Variants in SMYD3 observed in about 807,000 individuals in gnomAD.
The protein encoded by SMYD3 is histone-lysine N-methyltransferase SMYD3.
In SMYD3, 36 loss-of-function variants were observed where a neutral mutation model predicts 57.7. The observed-to-expected ratio is 0.62, with a 90% CI of 0.48 to 0.82. SMYD3 has a LOEUF of 0.82. Ranked by LOEUF, SMYD3 falls within the 40% of genes least tolerant of loss-of-function variation. The probability of loss-of-function intolerance (pLI) is 0.00; values close to 1 mark genes in which losing one functional copy is unlikely to be tolerated. For missense variants in SMYD3, 515 were observed against 538.8 expected (o/e 0.96, Z 0.44); for synonymous variants, 211 against 195.0 (o/e 1.08, Z -0.68).
intron 5 of SMYD3, among the ~76,000 whole-genome samples, chr1:246,232,989 AGAG>A (rs1379746856): frequency 7.3e-6 from 1 of 137,226 alleles, no homozygotes; most frequent in African/African-American, 2.7e-5. Context: ...TATACCACGC[AGAG>A]GAGAAGCGCT....
At chr1:246,123,571 AACACACACACACACACAC>A (rs557543331) in intron 5 of SMYD3, among the ~76,000 whole-genome samples, 90 of 129,576 alleles carry the variant, frequency 6.9e-4, no homozygotes, top group African/African-American at 2.2e-3. Flanking sequence ...TCCATCTCAA[AACACACACACACACACAC>A]ACACACACAC....
chr1:246,498,964 G>T (rs1482487133), intron 1 of SMYD3, among the ~76,000 whole-genome samples: 5 of 142,746 alleles, frequency 3.5e-5, no homozygotes, highest in African/African-American at 7.7e-5. Context: ...ATAATTTTTT[G>T]TTTTTTTTTT....
chr1:246,237,992 C>T (rs116210679), intron 5 of SMYD3, among the ~76,000 whole-genome samples: 1,579 of 152,260 alleles, frequency 0.01, 11 homozygotes, highest in Non-Finnish European at 0.015. Context: ...CCCTAATACA[C>T]TCTATCTTGG....
chr1:245,857,879 C>A (rs1447870057), intron 10 of SMYD3, among the ~76,000 whole-genome samples: 2 of 152,134 alleles, frequency 1.3e-5, no homozygotes, highest in Non-Finnish European at 2.9e-5. Flanking sequence ...CATCTCAGGG[C>A]AAAACACCTA....
chr1:246,165,681 T>G (rs2062196594), intron 5 of SMYD3, among the ~76,000 whole-genome samples: 1 of 152,090 alleles, frequency 6.6e-6, no homozygotes, highest in South Asian at 2.1e-4. Context: ...GTTTTTAAGG[T>G]GAGCTTAGAT....
At chr1:246,268,726 G>GAAAGA (rs923785730) in intron 5 of SMYD3, among the ~76,000 whole-genome samples, 28 of 151,648 alleles carry the variant, frequency 1.8e-4, no homozygotes, top group East Asian at 5.8e-4. Flanking sequence ...AAGAGAAGAG[G>GAAAGA]AAAGAAAAGA....
At chr1:246,404,825 T>C (rs1336948082) in intron 1 of SMYD3, among the ~76,000 whole-genome samples, 1 of 152,220 alleles carries the variant, frequency 6.6e-6, no homozygotes, top group East Asian at 1.9e-4. Context: ...ATTACCATAT[T>C]GGACAGAGCA....
intron 10 of SMYD3, among the ~76,000 whole-genome samples, chr1:245,831,832 A>C (rs2049850835): frequency 6.6e-6 from 1 of 152,212 alleles, no homozygotes; most frequent in Non-Finnish European, 1.5e-5. Flanking sequence ...GAGATGGCCA[A>C]ATGATTTAAG....
At chr1:246,432,134 C>G (rs1263638778) in intron 1 of SMYD3, among the ~76,000 whole-genome samples, 1 of 152,194 alleles carries the variant, frequency 6.6e-6, no homozygotes, top group Non-Finnish European at 1.5e-5. Context: ...CTCTCTAGCA[C>G]TTTCTCCAAG....
intron 2 of SMYD3, among the ~76,000 whole-genome samples, chr1:246,337,813 A>G (rs1224871110): frequency 1.3e-5 from 2 of 152,248 alleles, no homozygotes; most frequent in Non-Finnish European, 2.9e-5. Context: ...TGAGCAGCTC[A>G]GCCTCCTGAT....
At chr1:246,043,174 T>A (rs1572934846) in intron 5 of SMYD3, among the ~76,000 whole-genome samples, 1 of 152,370 alleles carries the variant, frequency 6.6e-6, no homozygotes. Flanking sequence ...CTGCTTCATC[T>A]ACTACCTTTC....
chr1:246,226,024 G>A (rs749199856), intron 5 of SMYD3, among the ~76,000 whole-genome samples: 9 of 152,050 alleles, frequency 5.9e-5, no homozygotes, highest in Admixed American at 3.3e-4. Flanking sequence ...TGACAAGATC[G>A]GTTTCCATAA....
At chr1:246,146,488 C>T (rs186887915) in intron 5 of SMYD3, among the ~76,000 whole-genome samples, 5 of 152,302 alleles carry the variant, frequency 3.3e-5, no homozygotes, top group Admixed American at 2.0e-4. Context: ...AGTGCCAACA[C>T]CCATCCTTCC....
intron 5 of SMYD3, among the ~76,000 whole-genome samples, chr1:246,090,281 G>A (rs2060798616): frequency 6.6e-6 from 1 of 152,086 alleles, no homozygotes; most frequent in Non-Finnish European, 1.5e-5. Context: ...TCCTAACAGA[G>A]AAAGAAACCA....
intron 5 of SMYD3, among the ~76,000 whole-genome samples, chr1:246,296,781 T>C (rs2064802816): frequency 6.6e-6 from 1 of 152,190 alleles, no homozygotes; most frequent in Non-Finnish European, 1.5e-5. Flanking sequence ...TAATACAATA[T>C]GATATTCCTA....
chr1:246,042,432 G>A (rs2059894324), intron 5 of SMYD3, among the ~76,000 whole-genome samples: 1 of 152,118 alleles, frequency 6.6e-6, no homozygotes, highest in African/African-American at 2.4e-5. Flanking sequence ...TGCAGATTAA[G>A]CAGTGAGGAG....
chr1:246,474,696 G>C (rs1478217267), intron 1 of SMYD3, among the ~76,000 whole-genome samples: 1 of 152,072 alleles, frequency 6.6e-6, no homozygotes, highest in Non-Finnish European at 1.5e-5. Context: ...AATTACTGCA[G>C]AGGTCAGCAA....
At chr1:246,088,554 G>C (rs111815923) in intron 5 of SMYD3, among the ~76,000 whole-genome samples, 10,707 of 139,198 alleles carry the variant, frequency 0.077, 668 homozygotes, top group African/African-American at 0.13. Context: ...AGCTTGCAGT[G>C]AGCCGAGATC....
intron 5 of SMYD3, among the ~76,000 whole-genome samples, chr1:246,207,616 G>T (rs1250934306): frequency 6.6e-6 from 1 of 151,880 alleles, no homozygotes; most frequent in Non-Finnish European, 1.5e-5. Context: ...AAAGACAAAA[G>T]GACATACAAA....
Sources: gnomAD v4.1 joint callset for allele counts (sites outside exome capture counted in the v4.1 genomes callset) on GRCh38, gnomAD v4.1.1 for gene constraint, MANE v1.5 for transcripts, NCBI Gene and HGNC (gene_info 2026-07-23, HGNC 2026-07-21) for gene names.